The following ARPP21 variants were observed in gnomAD, a reference collection of about 807,000 sequenced individuals.
The protein encoded by ARPP21 is cAMP-regulated phosphoprotein 21.
In ARPP21, 69 loss-of-function variants were observed where a neutral mutation model predicts 113.2. The observed-to-expected ratio is 0.61, with a 90% confidence interval of 0.50 to 0.74. ARPP21 has a LOEUF of 0.74. Among genes scored for constraint, ARPP21 ranks in the 30% least tolerant of loss-of-function variants. ARPP21 has a pLI of 0.00. For synonymous variants in ARPP21, 368 were observed against 375.5 expected (o/e 0.98, Z 0.23); for missense variants, 1,070 against 1,037.4 (o/e 1.03, Z -0.43).
chr3:35,698,751 C>T (rs1195123507), intron 9 of ARPP21, among the ~76,000 whole-genome samples: 4 of 151,612 alleles, frequency 2.6e-5, no homozygotes, highest in Admixed American at 6.6e-5. Flanking sequence ...TTCTTTAACT[C>T]GTACCTATTG....
chr3:35,719,520 G>T (rs2092836173), intron 13 of ARPP21, among the ~76,000 whole-genome samples: 1 of 152,044 alleles, frequency 6.6e-6, no homozygotes, highest in African/African-American at 2.4e-5. Context: ...CAGGGAGAAG[G>T]GTGTAGACTA....
At chr3:35,651,130 G>C (rs1260638055) in intron 1 of ARPP21, among the ~76,000 whole-genome samples, 2 of 152,162 alleles carry the variant, frequency 1.3e-5, no homozygotes, top group East Asian at 1.9e-4. Flanking sequence ...GGTTCTGTAG[G>C]AAAACCACAG....
intron 18 of ARPP21, among the ~76,000 whole-genome samples, chr3:35,742,882 A>C (rs967467986): frequency 6.6e-6 from 1 of 152,212 alleles, no homozygotes; most frequent in African/African-American, 2.4e-5. Context: ...GATAGAAAAT[A>C]ATTAACTAAG....
chr3:35,701,300 C>A (rs139969208), intron 9 of ARPP21, among the ~76,000 whole-genome samples: 1 of 151,646 alleles, frequency 6.6e-6, no homozygotes, highest in African/African-American at 2.4e-5. Context: ...CATATAAGAT[C>A]ATCCTCATAT....
intron 8 of ARPP21, 85 bp from the exon 9 acceptor site, chr3:35,690,780 A>G: frequency 1.6e-6 from 2 of 1,262,630 alleles, no homozygotes; most frequent in Non-Finnish European, 2.2e-6. Flanking sequence ...TGAAGAAGAA[A>G]TAGTTTTGTG....
At chr3:35,723,996 C>T (rs2093338263) in intron 14 of ARPP21, among the ~76,000 whole-genome samples, 1 of 152,162 alleles carries the variant, frequency 6.6e-6, no homozygotes, top group Non-Finnish European at 1.5e-5. Flanking sequence ...CAGTTTTTTA[C>T]CTAATTGTTC....
intron 19 of ARPP21, among the ~76,000 whole-genome samples, chr3:35,790,906 G>A (rs1282835926): frequency 6.6e-6 from 1 of 152,172 alleles, no homozygotes; most frequent in Non-Finnish European, 1.5e-5. Flanking sequence ...GAAGGTCAAA[G>A]GGTAGCTTTT....
intron 5 of ARPP21, chr3:35,684,042 G>T: frequency 6.3e-7 from 1 of 1,599,370 alleles, no homozygotes; most frequent in Non-Finnish European, 8.5e-7. Flanking sequence ...ACTGCAAATG[G>T]AAAGGAATTC....
chr3:35,669,477 A>C (rs924451647), intron 1 of ARPP21, among the ~76,000 whole-genome samples: 1 of 152,138 alleles, frequency 6.6e-6, no homozygotes, highest in Admixed American at 6.6e-5. Context: ...ATTTTATCCT[A>C]GCAATTTCCA....
At chr3:35,687,453 G>GA (rs1338106106) in intron 5 of ARPP21, among the ~76,000 whole-genome samples, 5 of 150,472 alleles carry the variant, frequency 3.3e-5, no homozygotes, top group African/African-American at 9.7e-5. Context: ...TAAACCTGTA[G>GA]AAAAAAATAA....
At chr3:35,657,311 C>T (rs1004257037) in intron 1 of ARPP21, among the ~76,000 whole-genome samples, 1 of 152,062 alleles carries the variant, frequency 6.6e-6, no homozygotes, top group Admixed American at 6.6e-5. Context: ...GAAGCCCATA[C>T]CATTCTGAAG....
intron 11 of ARPP21, among the ~76,000 whole-genome samples, chr3:35,713,022 C>T (rs556822819): frequency 1.2e-4 from 18 of 152,266 alleles, no homozygotes; most frequent in Admixed American, 9.8e-4. Context: ...TGGGACTCCT[C>T]TTCAGTGGGG....
At chr3:35,731,286 A>G (rs2093940801) in intron 15 of ARPP21, among the ~76,000 whole-genome samples, 1 of 152,198 alleles carries the variant, frequency 6.6e-6, no homozygotes, top group African/African-American at 2.4e-5. Context: ...TGTAGAAAAA[A>G]GAAACAGAAT....
intron 1 of ARPP21, among the ~76,000 whole-genome samples, chr3:35,667,981 GA>G (rs2075158341): frequency 1.4e-5 from 2 of 144,102 alleles, no homozygotes; most frequent in East Asian, 2.0e-4. Context: ...AGAAGAAGAA[GA>G]AGAAGAAGAA....
At chr3:35,721,422 G>A (rs1409880791) in intron 13 of ARPP21, among the ~76,000 whole-genome samples, 183 bp from the exon 14 acceptor site, 1 of 152,164 alleles carries the variant, frequency 6.6e-6, no homozygotes, top group Non-Finnish European at 1.5e-5. Flanking sequence ...TATGTGATGT[G>A]TCATCTGTCT....
At chr3:35,791,539 T>A (rs1055053062) in intron 19 of ARPP21, among the ~76,000 whole-genome samples, 3 of 152,194 alleles carry the variant, frequency 2.0e-5, no homozygotes, top group African/African-American at 7.2e-5. Context: ...GCTTCCTTTA[T>A]AAGGATGCAT....
intron 1 of ARPP21, chr3:35,642,443 T>G (rs1542212): frequency 0.37 from 56,065 of 152,024 alleles, 10,553 homozygotes; most frequent in East Asian, 0.51. Flanking sequence ...TAATTTTAAT[T>G]AAGTCCTAAT....
In ARPP21 at chr3:35,793,938, G is replaced by A. The variant is rs761814458; in HGVS notation, c.2524G>A (p.Gly842Ser). 1.2e-6 allele frequency: 2 copies of A among 1,613,760 alleles called. No individual in the cohort carries two copies. Among genetic ancestry groups the A allele is most frequent in the Non-Finnish European group, 1.7e-6 (2 of 1,179,740 alleles). ...RTNCASMSNAGWQVKF is the reference protein window; with the variant it reads ...RTNCASMSNASWQVKF The stretch of plus-strand genomic sequence containing the variant: ...AAACTGTGCAAGTATGAGCAATGCT[G>A]GTTGGCAGGTCAAATTCTGAGAGCT... Residue 842 changes from glycine (G) to serine (S), a missense_variant, in exon 21 of 21, where the codon GGT becomes AGT. Gly to Ser is a moderately conservative substitution (Grantham distance 56, BLOSUM62 0). Transcript: ENST00000684406.
intron 1 of ARPP21, among the ~76,000 whole-genome samples, chr3:35,670,734 A>G (rs2149317025): frequency 6.6e-6 from 1 of 152,252 alleles, no homozygotes; most frequent in South Asian, 2.1e-4. Context: ...TTGAAAAAAA[A>G]GAAAAACACG....
Sources: allele counts gnomAD v4.1 joint callset (sites outside exome capture counted in the v4.1 genomes callset), GRCh38; gene constraint gnomAD v4.1.1; transcripts MANE v1.5; gene names NCBI Gene and HGNC (gene_info 2026-07-23, HGNC 2026-07-21).